The following PKHD1 variants were observed in gnomAD, a reference collection of about 807,000 sequenced individuals.
PKHD1 encodes PKHD1 ciliary IPT domain containing fibrocystin/polyductin.
A neutral mutation model predicts 412.0 loss-of-function variants in PKHD1; 291 were observed. The observed-to-expected ratio is 0.71, with a 90% confidence interval of 0.64 to 0.78. PKHD1 has a LOEUF of 0.78. Among genes scored for constraint, PKHD1 ranks in the 30% least tolerant of loss-of-function variants. The pLI is 0.00. For missense variants in PKHD1, 4,825 were observed against 4,950.7 expected, an observed-to-expected ratio of 0.97 and a Z score of 0.76; for synonymous variants, 1,777 against 1,821.5, an observed-to-expected ratio of 0.98 and a Z score of 0.62.
intron 9 of PKHD1, among the ~76,000 whole-genome samples, 182 bp from the exon 10 acceptor site, chr6:52,070,627 AC>A (rs1810474469): frequency 1.3e-5 from 2 of 152,104 alleles, no homozygotes; most frequent in Admixed American, 6.6e-5. Flanking sequence ...CAAAAAAAAA[AC>A]ACCTCATAAG....
intron 35 of PKHD1, among the ~76,000 whole-genome samples, chr6:52,008,981 G>T (rs763849129): frequency 2.6e-5 from 4 of 152,300 alleles, no homozygotes; most frequent in Non-Finnish European, 5.9e-5. Flanking sequence ...CTGAGGCCCA[G>T]AGAGGCTTAA....
At chr6:51,749,787 T>A (rs1221711389) in intron 57 of PKHD1, among the ~76,000 whole-genome samples, 1 of 152,126 alleles carries the variant, frequency 6.6e-6, no homozygotes, top group Admixed American at 6.6e-5. Context: ...CAGAAAGACT[T>A]TGTGGTACAA....
chr6:51,830,825 C>CT, intron 52 of PKHD1, 36 bp downstream of exon 52: 1 of 1,601,218 alleles, frequency 6.2e-7, no homozygotes, highest in Non-Finnish European at 8.6e-7. Context: ...TGGGTTCAGC[C>CT]TGTCTGTGAT....
At chr6:52,083,408 T>C (rs1812323361) in intron 2 of PKHD1, among the ~76,000 whole-genome samples, 153 bp from the exon 3 acceptor site, 2 of 152,226 alleles carry the variant, frequency 1.3e-5, no homozygotes, top group Non-Finnish European at 1.5e-5. Flanking sequence ...AGTTTCTGGT[T>C]CCGTAGGTCT....
intron 9 of PKHD1, 40 bp downstream of exon 9, chr6:52,070,966 A>G (rs2128230036): frequency 8.0e-7 from 1 of 1,250,492 alleles, no homozygotes; most frequent in Admixed American, 1.7e-5. Context: ...AGAGAAAGAA[A>G]TGGATAAGAC....
intron 52 of PKHD1, among the ~76,000 whole-genome samples, chr6:51,803,856 A>G (rs4715242): frequency 0.75 from 113,009 of 150,834 alleles, 43,008 homozygotes; most frequent in East Asian, 0.97. Flanking sequence ...ACAGGTGCCC[A>G]TCACCACGCC....
chr6:51,891,461 T>C (rs1381880296), intron 43 of PKHD1, among the ~76,000 whole-genome samples: 1 of 152,100 alleles, frequency 6.6e-6, no homozygotes, highest in Non-Finnish European at 1.5e-5. Flanking sequence ...GTATTTTTAG[T>C]AGAAATGGGG....
At chr6:52,049,812 T>G (rs114804380) in intron 22 of PKHD1, among the ~76,000 whole-genome samples, 2,690 of 152,292 alleles carry the variant, frequency 0.018, 34 homozygotes, top group Non-Finnish European at 0.027. Context: ...AGTGGTGATG[T>G]GAACCTCTGA....
At chr6:51,976,119 A>G (rs1286251635) in intron 35 of PKHD1, among the ~76,000 whole-genome samples, 1 of 152,148 alleles carries the variant, frequency 6.6e-6, no homozygotes, top group Non-Finnish European at 1.5e-5. Context: ...AATTACATAG[A>G]TTATAATTCA....
chr6:51,744,454 C>T lies in PKHD1; in HGVS notation c.10087G>A (p.Gly3363Ser). 1.9e-6 allele frequency: 3 copies of T among 1,613,170 alleles called. No homozygotes were observed. Among genetic ancestry groups the T allele is most frequent in the Non-Finnish European group, 1.7e-6 (2 of 1,179,192 alleles). The change falls in exon 60 of 67, where the codon GGT (glycine) becomes AGT (serine). Residue 3363 changes from glycine (G) to serine (S), a missense_variant. By Grantham distance (56) the Gly-to-Ser change is moderately conservative. Coordinates refer to ENST00000371117, the MANE Select transcript of PKHD1 (RefSeq NM_138694.4). ...LFKDLDGRAL[G>S]LPPPVSVFPK... Reference sequence around the variant, plus strand: ...AATACAGAAACTGGTGGAGGCAGACCCAGGGCTCTCCCATCCAGATCCTTG... The same window carrying T: ...AATACAGAAACTGGTGGAGGCAGACTCAGGGCTCTCCCATCCAGATCCTTG...
At chr6:51,912,296 T>C in intron 38 of PKHD1, 70 bp downstream of exon 38, 1 of 952,464 alleles carries the variant, frequency 1.0e-6, no homozygotes, top group African/African-American at 1.6e-5. Context: ...CCAATACAAA[T>C]GTCCAGACCC....
At chr6:52,012,826 G>C (rs1167572462) in intron 34 of PKHD1, among the ~76,000 whole-genome samples, 2 of 152,158 alleles carry the variant, frequency 1.3e-5, no homozygotes, top group African/African-American at 4.8e-5. Flanking sequence ...AATGAAGTTG[G>C]TTTCCCACAC....
rs374110822 is a variant in PKHD1, at chr6:52,035,582, T to C, written c.3228+9A>G. 5.0e-6 allele frequency: 8 copies of C among 1,612,886 alleles called. No individual in the cohort carries two copies. In the South Asian group the frequency reaches 8.8e-5, roughly 18 times the overall value. On this transcript the variant is annotated intron_variant, in intron 28 of 66. Coordinates refer to ENST00000371117, the MANE Select transcript of PKHD1 (RefSeq NM_138694.4). Reference sequence around the variant, plus strand: ...CAGAGAGAAAGAGATATGAAAGGAATCCACTTACCCTGGGTGGAACTTTGC... The same window carrying C: ...CAGAGAGAAAGAGATATGAAAGGAACCCACTTACCCTGGGTGGAACTTTGC...
chr6:51,903,831 T>TTA, intron 42 of PKHD1, 104 bp from the exon 43 acceptor site: 1 of 537,136 alleles, frequency 1.9e-6, no homozygotes. Context: ...ATAATGCATT[T>TTA]CATATATATA....
chr6:51,722,050 C>T (rs1163649004), intron 60 of PKHD1: 25 of 1,613,388 alleles, frequency 1.5e-5, no homozygotes, highest in Non-Finnish European at 2.1e-5. Context: ...TTTAGTCAGA[C>T]ATTGAAGGCT....
intron 29 of PKHD1, among the ~76,000 whole-genome samples, 162 bp from the exon 30 acceptor site, chr6:52,028,513 A>G (rs1202852372): frequency 2.1e-5 from 3 of 140,540 alleles, no homozygotes; most frequent in African/African-American, 7.5e-5. Flanking sequence ...GAAACTTCTA[A>G]CAACTATTTT....
At chr6:51,863,587 G>A (rs190729983) in intron 48 of PKHD1, among the ~76,000 whole-genome samples, 2 of 152,302 alleles carry the variant, frequency 1.3e-5, no homozygotes, top group Admixed American at 1.3e-4. Flanking sequence ...TGGGGGTAGA[G>A]AGGGGTTGGA....
At chr6:51,926,730 GATCAA>G in intron 37 of PKHD1, among the ~76,000 whole-genome samples, 1 of 152,160 alleles carries the variant, frequency 6.6e-6, no homozygotes, top group Non-Finnish European at 1.5e-5. Flanking sequence ...CTCTTGTCCA[GATCAA>G]TGAGATTTTA....
chr6:51,769,831 A>T (rs1789760264), intron 55 of PKHD1, among the ~76,000 whole-genome samples: 1 of 151,456 alleles, frequency 6.6e-6, no homozygotes, highest in Non-Finnish European at 1.5e-5. Flanking sequence ...CGTACGCTAT[A>T]TTCTCATTAT....
Sources: gnomAD v4.1 joint callset for allele counts (sites outside exome capture counted in the v4.1 genomes callset) on GRCh38, gnomAD v4.1.1 for gene constraint, MANE v1.5 for transcripts, NCBI Gene and HGNC (gene_info 2026-07-23, HGNC 2026-07-21) for gene names.